The following EHBP1 variants were observed in gnomAD, a reference collection of about 807,000 sequenced individuals.
The protein encoded by EHBP1 is EH domain-binding protein 1.
In EHBP1, 55 loss-of-function variants were observed where a neutral mutation model predicts 144.0. The observed-to-expected ratio is 0.38, with a 90% CI of 0.31 to 0.48. The LOEUF is 0.48. Among genes scored for constraint, EHBP1 ranks in the 20% least tolerant of loss-of-function variants. The pLI is 0.98. For synonymous variants in EHBP1, 469 were observed against 472.7 expected (o/e 0.99, Z 0.10); for missense variants, 1,200 against 1,364.2 (o/e 0.88, Z 1.90).
intron 2 of EHBP1, among the ~76,000 whole-genome samples, chr2:62,729,638 A>G (rs946449217): frequency 1.2e-4 from 17 of 140,914 alleles, no homozygotes; most frequent in African/African-American, 4.2e-4. Flanking sequence ...ATAAAATAAA[A>G]TAATATAATA....
At chr2:62,912,036 A>G (rs2054261427) in intron 10 of EHBP1, among the ~76,000 whole-genome samples, 1 of 152,182 alleles carries the variant, frequency 6.6e-6, no homozygotes, top group South Asian at 2.1e-4. Context: ...TAGATTCTTT[A>G]ATAGTATACT....
Position 62,751,047 on chromosome 2 carries a change from T to C in EHBP1, c.162+3595T>C, listed in dbSNP as rs1487669097. Reference sequence around the variant, plus strand: ...TGAATAGGAGTGGTGAGAGAGGGCATCCCTGTCTTGTGTGAATTTTGAAAG... The same window carrying C: ...TGAATAGGAGTGGTGAGAGAGGGCACCCCTGTCTTGTGTGAATTTTGAAAG... On this transcript the variant is annotated intron_variant, in intron 3 of 22. Transcript: ENST00000431489. 9.2e-5 allele frequency among the ~76,000 whole-genome samples: 14 copies of C among 152,326 alleles called. No individual in the cohort carries two copies. In the South Asian group the frequency reaches 2.9e-3, roughly 32 times the overall value.
intron 5 of EHBP1, among the ~76,000 whole-genome samples, chr2:62,798,548 C>T (rs937680723): frequency 6.6e-6 from 1 of 152,082 alleles, no homozygotes; most frequent in Non-Finnish European, 1.5e-5. Flanking sequence ...TTGGCTTTTA[C>T]CTCAATTTAC....
chr2:62,920,659 CAT>C (rs1196005754), intron 10 of EHBP1, among the ~76,000 whole-genome samples: 5 of 151,230 alleles, frequency 3.3e-5, no homozygotes, highest in African/African-American at 4.9e-5. Flanking sequence ...TCTGATTAAT[CAT>C]ATTTTTTTTT....
chr2:62,796,904 G>A (rs906285683), intron 5 of EHBP1, among the ~76,000 whole-genome samples: 3 of 148,416 alleles, frequency 2.0e-5, no homozygotes, highest in African/African-American at 5.0e-5. Flanking sequence ...TCCCTCCTCC[G>A]TAGGCCCCCT....
intron 21 of EHBP1, chr2:63,044,731 C>T (rs2061863162): frequency 5.3e-6 from 1 of 188,946 alleles, no homozygotes; most frequent in African/African-American, 2.3e-5. Flanking sequence ...CACTACCAAC[C>T]CCTGGGCCAA....
chr2:62,975,803 A>G (rs1358561865), intron 14 of EHBP1, among the ~76,000 whole-genome samples: 4 of 149,990 alleles, frequency 2.7e-5, no homozygotes, highest in Non-Finnish European at 5.9e-5. Flanking sequence ...CTGAGGTGGG[A>G]GGATCGCTTG....
chr2:62,876,965 C>G (rs1485279335), intron 10 of EHBP1, among the ~76,000 whole-genome samples: 2 of 152,166 alleles, frequency 1.3e-5, no homozygotes, highest in African/African-American at 4.8e-5. Flanking sequence ...ATTAGCTTAA[C>G]AACACAATGA....
At chr2:62,956,592 G>C (rs1048207872) in intron 14 of EHBP1, among the ~76,000 whole-genome samples, 1 of 150,614 alleles carries the variant, frequency 6.6e-6, no homozygotes, top group Admixed American at 6.6e-5. Flanking sequence ...ACTTATGCCT[G>C]TACCCAACAC....
intron 2 of EHBP1, among the ~76,000 whole-genome samples, chr2:62,709,729 C>T (rs531606748): frequency 7.2e-5 from 11 of 151,968 alleles, no homozygotes; most frequent in South Asian, 2.1e-4. Context: ...TGGATGTTCT[C>T]CTAGAAGTAT....
At chr2:62,743,101 A>G (rs2038865995) in intron 2 of EHBP1, among the ~76,000 whole-genome samples, 1 of 152,132 alleles carries the variant, frequency 6.6e-6, no homozygotes, top group African/African-American at 2.4e-5. Flanking sequence ...TATCGTATAG[A>G]AATATTAAAA....
chr2:62,895,278 TATCATCATCATCATCATC>T (rs10700628), intron 10 of EHBP1, among the ~76,000 whole-genome samples: 2 of 149,802 alleles, frequency 1.3e-5, no homozygotes, highest in South Asian at 4.3e-4. Context: ...ATGTAAATTC[TATCATCATCATCATCATC>T]ATCATCATCA....
rs778102829 is a variant in EHBP1 at position 62,827,157 on chromosome 2, C to T, written c.494+889C>T. On this transcript the variant is annotated intron_variant, in intron 6 of 22. Transcript: ENST00000431489. Reference sequence around the variant, plus strand: ...TTGACTGATTAGACTGGATTCTGTGCGTCAGTCAAAATGAGATGTTTGACA... The same window carrying T: ...TTGACTGATTAGACTGGATTCTGTGTGTCAGTCAAAATGAGATGTTTGACA... Among the ~76,000 whole-genome samples, 5 of 152,156 alleles carry T rather than the reference C, an allele frequency of 3.3e-5. No individual in the cohort carries two copies. The East Asian group carries it at 9.6e-4, about 29-fold the overall frequency.
intron 7 of EHBP1, among the ~76,000 whole-genome samples, chr2:62,846,641 A>G (rs1426268927): frequency 6.6e-6 from 1 of 152,200 alleles, no homozygotes; most frequent in Non-Finnish European, 1.5e-5. Flanking sequence ...CCAAACTCAC[A>G]GGATATAAGA....
chr2:62,681,378 A>ATATATAATGTGTATATATGTATAT (rs1278575532), intron 1 of EHBP1, among the ~76,000 whole-genome samples: 1 of 115,656 alleles, frequency 8.6e-6, no homozygotes, highest in Non-Finnish European at 1.7e-5. Flanking sequence ...TATATGTATA[A>ATATATAATGTGTATATATGTATAT]ATATATAATG....
intron 10 of EHBP1, among the ~76,000 whole-genome samples, chr2:62,902,317 G>C (rs2152950584): frequency 6.6e-6 from 1 of 152,152 alleles, no homozygotes; most frequent in East Asian, 1.9e-4. Flanking sequence ...GTGCCTAAGG[G>C]GAGTGTCTAT....
chr2:62,795,817 T>G (rs968277619), intron 5 of EHBP1, among the ~76,000 whole-genome samples: 1 of 152,086 alleles, frequency 6.6e-6, no homozygotes, highest in Non-Finnish European at 1.5e-5. Flanking sequence ...GTTCCTGGAT[T>G]TCCTGCCCTT....
chr2:62,916,175 T>C (rs1346697585), intron 10 of EHBP1, among the ~76,000 whole-genome samples: 1 of 152,038 alleles, frequency 6.6e-6, no homozygotes, highest in Non-Finnish European at 1.5e-5. Flanking sequence ...GAACTTTTAA[T>C]TAATGAAATA....
At chr2:62,757,917 C>A (rs1475866044) in intron 3 of EHBP1, among the ~76,000 whole-genome samples, 1 of 151,302 alleles carries the variant, frequency 6.6e-6, no homozygotes, top group Non-Finnish European at 1.5e-5. Flanking sequence ...GAGGTTGAGG[C>A]AGGAGAATGG....
Sources: allele counts gnomAD v4.1 joint callset (sites outside exome capture counted in the v4.1 genomes callset), GRCh38; gene constraint gnomAD v4.1.1; transcripts MANE v1.5; gene names NCBI Gene and HGNC (gene_info 2026-07-23, HGNC 2026-07-21).